PALS1: variants seen among roughly 807,000 people sequenced by gnomAD.
PALS1 encodes the protein protein PALS1.
A neutral mutation model predicts 78.9 loss-of-function variants in PALS1; 31 were observed. That is an observed-to-expected ratio of 0.39 (90% CI 0.30 to 0.53). PALS1 has a LOEUF of 0.53. Among genes scored for constraint, PALS1 ranks in the 20% least tolerant of loss-of-function variants. The pLI, the probability that PALS1 is intolerant of heterozygous loss-of-function variation, is 0.67. For synonymous variants in PALS1, 276 were observed against 270.9 expected, an observed-to-expected ratio of 1.02 and a Z score of -0.18; for missense variants, 704 against 826.5, an observed-to-expected ratio of 0.85 and a Z score of 1.82.
In PALS1 at chr14:67,264,220, C is replaced by T. The variant is rs141464373; in HGVS notation, c.-236-5481C>T. On this transcript the variant is annotated intron_variant, in intron 1 of 14. Coordinates refer to ENST00000261681, the MANE Select transcript of PALS1 (RefSeq NM_022474.4). ...TACTGTTTTTTAAAACCTGTCTCCTCGTTTGTCATTGGGGATGACAGTGGT... is the reference window on the plus strand; with the variant it reads ...TACTGTTTTTTAAAACCTGTCTCCTTGTTTGTCATTGGGGATGACAGTGGT... 3.4e-3 allele frequency among the ~76,000 whole-genome samples: 522 copies of T among 152,196 alleles called. 2 individuals are homozygous for T. Among genetic ancestry groups the T allele is most frequent in the African/African-American group, 0.012 (488 of 41,526 alleles).
At chr14:67,263,884 T>C (rs2084274577) in intron 1 of PALS1, among the ~76,000 whole-genome samples, 1 of 152,172 alleles carries the variant, frequency 6.6e-6, no homozygotes, top group Non-Finnish European at 1.5e-5. Context: ...AAAATAGGGG[T>C]AGTAATTCTT....
chr14:67,309,379 AT>A (rs1322414942), intron 8 of PALS1, among the ~76,000 whole-genome samples: 1 of 152,188 alleles, frequency 6.6e-6, no homozygotes, highest in Non-Finnish European at 1.5e-5. Flanking sequence ...AATTTTTCAG[AT>A]GTGAAATAAA....
intron 4 of PALS1, among the ~76,000 whole-genome samples, chr14:67,299,779 C>T (rs536422541): frequency 3.9e-5 from 6 of 152,114 alleles, no homozygotes; most frequent in Non-Finnish European, 8.8e-5. Context: ...TAGGAACTGA[C>T]TTAAAAGTGG....
intron 1 of PALS1, among the ~76,000 whole-genome samples, chr14:67,256,889 C>A (rs2084153417): frequency 6.6e-6 from 1 of 151,672 alleles, no homozygotes; most frequent in Non-Finnish European, 1.5e-5. Flanking sequence ...TTCTTTTTAC[C>A]AAAGAATGTG....
In PALS1 at chr14:67,332,812, A is replaced by T. The variant is rs370360342; in HGVS notation, c.1884A>T (p.Thr628=). Reference sequence around the variant, plus strand: ...AGTTGAGAGAAATCATTGAGAAGACAAGAGAGATGGAGCAGAACAATGGCC... The same window carrying T: ...AGTTGAGAGAAATCATTGAGAAGACTAGAGAGATGGAGCAGAACAATGGCC... The part of the protein sequence containing the change: ...PEELREIIEK[T]REMEQNNGHY... The change falls in exon 15 of 15, where the codon ACA becomes ACT. Residue 628 remains threonine, a synonymous_variant. Transcript: ENST00000261681. 2.7e-5 allele frequency: 43 copies of T among 1,613,492 alleles called. No individual in the cohort carries two copies. Among genetic ancestry groups the T allele is most frequent in the Non-Finnish European group, 3.6e-5 (43 of 1,179,504 alleles).
intron 4 of PALS1, among the ~76,000 whole-genome samples, chr14:67,297,683 T>C (rs1286316293): frequency 6.7e-6 from 1 of 149,706 alleles, no homozygotes; most frequent in Admixed American, 6.7e-5. Context: ...ATAGAAATAT[T>C]TAAGTAGAAA....
intron 1 of PALS1, among the ~76,000 whole-genome samples, chr14:67,255,339 G>A (rs982579156): frequency 1.3e-5 from 2 of 152,168 alleles, no homozygotes; most frequent in East Asian, 1.9e-4. Context: ...AGTTATTTAC[G>A]TGATGAAAGA....
At chr14:67,307,685 G>A (rs1322751570) in intron 8 of PALS1, among the ~76,000 whole-genome samples, 1 of 152,056 alleles carries the variant, frequency 6.6e-6, no homozygotes, top group Non-Finnish European at 1.5e-5. Context: ...CTTGCTTGGT[G>A]CTATAAAGGC....
chr14:67,242,346 C>T (rs774230430), intron 1 of PALS1, among the ~76,000 whole-genome samples: 2 of 152,050 alleles, frequency 1.3e-5, no homozygotes, highest in African/African-American at 4.8e-5. Flanking sequence ...TCTCCATACT[C>T]GTTTAGAATA....
chr14:67,246,263 G>C (rs144190316), intron 1 of PALS1, among the ~76,000 whole-genome samples: 1,628 of 151,156 alleles, frequency 0.011, 25 homozygotes, highest in African/African-American at 0.036. Flanking sequence ...CAAGTAGCTG[G>C]GACCACAGGC....
chr14:67,291,285 A>G (rs1392349700), intron 3 of PALS1, among the ~76,000 whole-genome samples: 1 of 151,676 alleles, frequency 6.6e-6, no homozygotes, highest in African/African-American at 2.4e-5. Flanking sequence ...CTAGAATGCA[A>G]TGGTGTGATC....
At chr14:67,270,825 T>G (rs181020844) in intron 2 of PALS1, 1 of 150,404 alleles carries the variant, frequency 6.6e-6, no homozygotes, top group East Asian at 2.0e-4. Context: ...ATTATAGAGT[T>G]TTTGGAGTGT....
intron 3 of PALS1, among the ~76,000 whole-genome samples, chr14:67,290,361 A>G (rs1333554243): frequency 6.6e-6 from 1 of 152,204 alleles, no homozygotes; most frequent in Non-Finnish European, 1.5e-5. Context: ...AAATAAAGAC[A>G]GACTCTGATA....
At chr14:67,254,971 A>G (rs1447418410) in intron 1 of PALS1, among the ~76,000 whole-genome samples, 1 of 152,214 alleles carries the variant, frequency 6.6e-6, no homozygotes. Context: ...CAACATGGTG[A>G]AACCTCTTCT....
chr14:67,249,187 C>A lies in PALS1; in HGVS notation c.-237+7654C>A, dbSNP rs982789291. On this transcript the variant is annotated intron_variant, in intron 1 of 14. Coordinates refer to ENST00000261681, the MANE Select transcript of PALS1 (RefSeq NM_022474.4). ...ATATTGGCCAGGCTGGTCTTGAACTCCTGACCTCAGGTGATTTGCACGTCT... is the reference window on the plus strand; with the variant it reads ...ATATTGGCCAGGCTGGTCTTGAACTACTGACCTCAGGTGATTTGCACGTCT... 3.3e-5 allele frequency among the ~76,000 whole-genome samples: 5 copies of A among 152,196 alleles called. No individual in the cohort carries two copies. In the East Asian group the frequency reaches 9.6e-4, roughly 29 times the overall value.
intron 1 of PALS1, among the ~76,000 whole-genome samples, chr14:67,255,715 C>G (rs8008155): frequency 0.16 from 23,664 of 152,214 alleles, 3,473 homozygotes; most frequent in East Asian, 0.42. Flanking sequence ...GAGTCTCGCT[C>G]TGTTGCCCAG....
intron 10 of PALS1, 98 bp from the exon 11 acceptor site, chr14:67,317,310 A>T: frequency 8.9e-7 from 1 of 1,119,744 alleles, no homozygotes; most frequent in Non-Finnish European, 1.3e-6. Flanking sequence ...AAAAAAATTT[A>T]AAGAATAAAT....
chr14:67,331,868 G>A (rs971074347), intron 14 of PALS1, among the ~76,000 whole-genome samples: 1 of 152,068 alleles, frequency 6.6e-6, no homozygotes, highest in African/African-American at 2.4e-5. Context: ...TTACAGTGGT[G>A]AAGTAGATTC....
intron 1 of PALS1, among the ~76,000 whole-genome samples, chr14:67,267,878 T>G (rs2084353709): frequency 1.3e-5 from 2 of 152,230 alleles, no homozygotes; most frequent in Non-Finnish European, 2.9e-5. Flanking sequence ...TGAGACTGTG[T>G]TGTTGGATAT....
Sources: gnomAD v4.1 joint callset for allele counts (sites outside exome capture counted in the v4.1 genomes callset) on GRCh38, gnomAD v4.1.1 for gene constraint, MANE v1.5 for transcripts, NCBI Gene and HGNC (gene_info 2026-07-23, HGNC 2026-07-21) for gene names.